Variants in PGM5 observed in about 807,000 individuals in gnomAD.
The protein encoded by PGM5 is phosphoglucomutase 5, also known as phosphoglucomutase-like protein 5.
A neutral mutation model predicts 59.2 loss-of-function variants in PGM5; 23 were observed. The ratio of observed to expected loss-of-function variants is 0.39; its 90% confidence interval spans 0.28 to 0.55. The LOEUF (loss-of-function observed/expected upper bound fraction) is 0.55, where lower values mean the gene tolerates loss of function less well. Among genes scored for constraint, PGM5 ranks in the 20% least tolerant of loss-of-function variants. PGM5 has a pLI of 0.66. For missense variants in PGM5, 574 were observed against 748.3 expected (o/e 0.77, Z 2.72); for synonymous variants, 214 against 286.0 (o/e 0.75, Z 2.54).
intron 6 of PGM5, among the ~76,000 whole-genome samples, chr9:68,402,022 G>C (rs1554680698): frequency 6.6e-6 from 1 of 152,074 alleles, no homozygotes; most frequent in Non-Finnish European, 1.5e-5. Context: ...CAGCACTTTG[G>C]GAGGCTGAGG....
At position 68,413,649 on chromosome 9, in the gene PGM5, T is replaced by C. The variant is rs1587800411; in HGVS notation, c.1043+21176T>C. Among the ~76,000 whole-genome samples, 6 of 152,350 alleles carry C rather than the reference T, an allele frequency of 3.9e-5. No homozygotes were observed. In the South Asian group the frequency reaches 1.2e-3, roughly 32 times the overall value. On this transcript the variant is annotated intron_variant, in intron 6 of 10. Coordinates refer to ENST00000396396, the MANE Select transcript of PGM5 (RefSeq NM_021965.4). The stretch of plus-strand genomic sequence containing the variant: ...CAAAGCATTCTTATATCAGTGCATC[T>C]GTGATACTAATCTTTTAGAAAATTA...
At chr9:68,361,727 C>A (rs1554676284) in intron 1 of PGM5, among the ~76,000 whole-genome samples, 1 of 152,168 alleles carries the variant, frequency 6.6e-6, no homozygotes, top group Non-Finnish European at 1.5e-5. Flanking sequence ...AAAGGCCCCA[C>A]CTTTTAATAC....
At chr9:68,517,646 T>C (rs2132116987) in intron 10 of PGM5, among the ~76,000 whole-genome samples, 1 of 152,332 alleles carries the variant, frequency 6.6e-6, no homozygotes, top group Admixed American at 6.5e-5. Flanking sequence ...CCAGGTTTTC[T>C]GATTTTAAAA....
intron 7 of PGM5, among the ~76,000 whole-genome samples, chr9:68,471,682 A>G (rs1824021382): frequency 6.6e-6 from 1 of 151,590 alleles, no homozygotes; most frequent in African/African-American, 2.4e-5. Flanking sequence ...CACTTTGGGA[A>G]GCCAAGGCGG....
chr9:68,518,764 C>T (rs975433041), intron 10 of PGM5, among the ~76,000 whole-genome samples: 7 of 152,004 alleles, frequency 4.6e-5, no homozygotes, highest in South Asian at 2.1e-4. Context: ...AGATCATATT[C>T]GGAAAAATAC....
At chr9:68,428,895 C>G (rs1001954774) in intron 6 of PGM5, 1 of 152,142 alleles carries the variant, frequency 6.6e-6, no homozygotes, top group Non-Finnish European at 1.5e-5. Context: ...AAGTTACTGC[C>G]ACATAAATGG....
At chr9:68,389,677 T>C (rs1822317348) in intron 4 of PGM5, among the ~76,000 whole-genome samples, 1 of 152,158 alleles carries the variant, frequency 6.6e-6, no homozygotes, top group Non-Finnish European at 1.5e-5. Flanking sequence ...CTTTTTCTTC[T>C]AGTTGTTGGC....
intron 9 of PGM5, among the ~76,000 whole-genome samples, chr9:68,492,943 C>T (rs1180864248): frequency 4.6e-5 from 7 of 152,182 alleles, no homozygotes; most frequent in African/African-American, 1.7e-4. Flanking sequence ...GTTGTGATTT[C>T]CTGTGGGAGA....
intron 10 of PGM5, among the ~76,000 whole-genome samples, chr9:68,505,802 G>T (rs1329254925): frequency 3.9e-5 from 6 of 152,038 alleles, no homozygotes; most frequent in Non-Finnish European, 7.4e-5. Flanking sequence ...TTAAATCATT[G>T]GCCCTTGGCG....
At chr9:68,493,077 T>C (rs1824424596) in intron 9 of PGM5, among the ~76,000 whole-genome samples, 1 of 152,166 alleles carries the variant, frequency 6.6e-6, no homozygotes, top group Non-Finnish European at 1.5e-5. Flanking sequence ...GGCCATATGC[T>C]GTTTTCCCCT....
rs35325428 is a variant in PGM5 at position 68,514,215 on chromosome 9, G to T, written c.1614+14854G>T. ...GCGTGGTGGCATTAGCCTATAAAGT[G>T]CCATCTACTCAGGAGGCTGAGGTGG... On this transcript the variant is annotated intron_variant, in intron 10 of 10. Transcript: ENST00000396396. Among the ~76,000 whole-genome samples, 1,079 of 152,182 alleles carry T rather than the reference G, an allele frequency of 7.1e-3. 9 individuals are homozygous for T. The highest frequency in any genetic ancestry group is 0.012 in the Non-Finnish European group (814 of 67,996).
rs1164771173 is a variant in PGM5 at position 68,363,216 on chromosome 9, A to G, written c.261+5828A>G. 3.3e-5 allele frequency among the ~76,000 whole-genome samples: 5 copies of G among 152,362 alleles called. No homozygotes were observed. In the East Asian group the frequency reaches 7.8e-4, roughly 24 times the overall value. ...CTTCTTTCTCTGGAGATGACATTATATAATAGCACTGTTCAATAGAAGTTT... is the reference window on the plus strand; with the variant it reads ...CTTCTTTCTCTGGAGATGACATTATGTAATAGCACTGTTCAATAGAAGTTT... On this transcript the variant is annotated intron_variant, in intron 1 of 10. Transcript: ENST00000396396.
At chr9:68,465,431 A>G (rs945137171) in intron 7 of PGM5, among the ~76,000 whole-genome samples, 4 of 152,148 alleles carry the variant, frequency 2.6e-5, no homozygotes, top group African/African-American at 9.7e-5. Flanking sequence ...TCTATTATGG[A>G]AATCTTTAAA....
Position 68,357,488 on chromosome 9 carries a change from G to C in PGM5, c.261+100G>C, listed in dbSNP as rs1358093191. 11 of 1,506,688 alleles carry C rather than the reference G, an allele frequency of 7.3e-6. No homozygotes were observed. In the African/African-American group the frequency reaches 1.1e-4, roughly 15 times the overall value. The allele number at this position is 1,506,688 out of a possible 1,614,324, so 93.3% of individuals were successfully genotyped here. ...CTCCGGGCCCAGTTGGGAGGCCCCTGCCCGGCCCCGGCTTTGCTACCTCAC... is the reference window on the plus strand; with the variant it reads ...CTCCGGGCCCAGTTGGGAGGCCCCTCCCCGGCCCCGGCTTTGCTACCTCAC... On this transcript the variant is annotated intron_variant, in intron 1 of 10. Transcript: ENST00000396396.
Position 68,483,878 on chromosome 9 carries a change from G to GGGT in PGM5, c.1310_1312dup (p.Gly437_Leu438insTrp), listed in dbSNP as rs1564017965. The GGGT allele has an allele frequency of 1.2e-6, 2 of 1,614,056 alleles. No homozygotes were observed. The highest frequency in any genetic ancestry group is 1.7e-6 in the Non-Finnish European group (2 of 1,179,980). ...TGTCCTCACCAGGTTTGACTATGAG[G>GGGT]GGTTGGATCCCAAGACGACATATTA... On this transcript the variant is annotated inframe_insertion, in exon 9 of 11. Coordinates refer to ENST00000396396, the MANE Select transcript of PGM5 (RefSeq NM_021965.4).
chr9:68,529,602 A>G lies in PGM5; in HGVS notation c.1650A>G (p.Lys550=). ...VLSPLIAIAL[K]ISQIHERTGR... ...GCCCTCTCATAGCCATCGCACTGAA[A>G]ATATCCCAGATTCATGAGAGAACTG... Residue 550 remains lysine, a synonymous_variant, in exon 11 of 11, where the codon AAA becomes AAG. Coordinates refer to ENST00000396396, the MANE Select transcript of PGM5 (RefSeq NM_021965.4). The G allele has an allele frequency of 6.2e-7, 1 of 1,600,624 alleles. No individual in the cohort carries two copies.
chr9:68,368,619 T>C (rs1834725220), intron 1 of PGM5, among the ~76,000 whole-genome samples: 1 of 152,230 alleles, frequency 6.6e-6, no homozygotes, highest in Non-Finnish European at 1.5e-5. Context: ...GCAAACTACA[T>C]CCAGTTTTTA....
chr9:68,492,103 A>G (rs7019089), intron 9 of PGM5, among the ~76,000 whole-genome samples: 31,239 of 152,080 alleles, frequency 0.21, 3,720 homozygotes, highest in East Asian at 0.39. Flanking sequence ...TGTCGGGTGG[A>G]TGAGCTTCAC....
intron 7 of PGM5, among the ~76,000 whole-genome samples, chr9:68,469,881 G>A (rs1286423017): frequency 4.6e-5 from 7 of 152,212 alleles, no homozygotes; most frequent in African/African-American, 1.7e-4. Flanking sequence ...TGTATTATTA[G>A]TAGTTATCTT....
Sources: gnomAD v4.1 joint callset for allele counts (sites outside exome capture counted in the v4.1 genomes callset) on GRCh38, gnomAD v4.1.1 for gene constraint, MANE v1.5 for transcripts, NCBI Gene and HGNC (gene_info 2026-07-23, HGNC 2026-07-21) for gene names.